Variants in DNAJC13 observed in about 807,000 individuals in gnomAD.
The protein encoded by DNAJC13 is dnaJ homolog subfamily C member 13.
A neutral mutation model predicts 290.5 loss-of-function variants in DNAJC13; 75 were observed. That is an observed-to-expected ratio of 0.26 (90% CI 0.21 to 0.31). DNAJC13 has a LOEUF of 0.31. DNAJC13 is among the 10% of genes least tolerant of loss of function. DNAJC13 has a pLI of 1.00. For missense variants in DNAJC13, 2,260 were observed against 2,674.5 expected, an observed-to-expected ratio of 0.85 and a Z score of 3.42; for synonymous variants, 862 against 892.0, an observed-to-expected ratio of 0.97 and a Z score of 0.60.
intron 48 of DNAJC13, among the ~76,000 whole-genome samples, chr3:132,521,234 TAAAAAG>T (rs1474326744): frequency 6.6e-6 from 1 of 151,036 alleles, no homozygotes; most frequent in Non-Finnish European, 1.5e-5. Context: ...CCCCATCTCT[TAAAAAG>T]AAAAACAAAA....
At chr3:132,477,339 G>A (rs978556997) in intron 22 of DNAJC13, among the ~76,000 whole-genome samples, 42 of 152,268 alleles carry the variant, frequency 2.8e-4, no homozygotes, top group African/African-American at 8.9e-4. Flanking sequence ...GTAGTAACAT[G>A]GGGTGATTTG....
At chr3:132,484,826 T>A (rs1319919993) in intron 29 of DNAJC13, among the ~76,000 whole-genome samples, 154 bp downstream of exon 29, 1 of 152,076 alleles carries the variant, frequency 6.6e-6, no homozygotes, top group African/African-American at 2.4e-5. Flanking sequence ...CCCAGCACTT[T>A]GGGAGGCTGA....
Position 132,499,769 on chromosome 3 carries a change from C to A in DNAJC13, c.4377C>A (p.Val1459=), listed in dbSNP as rs148360551. Residue 1459 remains valine (V), a synonymous_variant, in exon 38 of 56, where the codon GTC becomes GTA. Transcript: ENST00000260818. ...AGGCATTTAGTCGCTGTGTGGCTGT[C>A]TTGACTCGTGCTAGTAAACCAAGTG... The part of the protein sequence containing the change: ...LQEAFSRCVA[V]LTRASKPSDM... The A allele has an allele frequency of 2.7e-5, 43 of 1,614,128 alleles. No individual in the cohort carries two copies. The highest frequency in any genetic ancestry group is 3.3e-5 in the Non-Finnish European group (39 of 1,180,010).
intron 32 of DNAJC13, 40 bp from the exon 33 acceptor site, chr3:132,492,374 A>G: frequency 6.3e-7 from 1 of 1,594,522 alleles, no homozygotes. Context: ...CTTTAAAATA[A>G]TACCTCATAA....
chr3:132,472,201 G>A (rs1424480699), intron 20 of DNAJC13, among the ~76,000 whole-genome samples: 1 of 152,096 alleles, frequency 6.6e-6, no homozygotes, highest in Non-Finnish European at 1.5e-5. Flanking sequence ...GTCCAGCTTC[G>A]GCTCCGCATG....
intron 51 of DNAJC13, chr3:132,523,947 T>G (rs1936173588): frequency 2.5e-6 from 1 of 404,212 alleles, no homozygotes; most frequent in Non-Finnish European, 4.4e-6. Context: ...ATTGAGAGGA[T>G]GCTATTTCTA....
At position 132,447,406 on chromosome 3, in the gene DNAJC13, GA is replaced by G; in HGVS notation, c.236del (p.Lys79SerfsTer5). ...AACCTCACATTTCGTAAAGGCAGTG[GA>G]AAAAAGTCAGAAACTTTAAAATTTT... ...EFNLTFRKGSGKKSETLKFST... is the reference protein window; with the variant it reads ...EFNLTFRKGSXKKSETLKFST... On this transcript the variant is annotated frameshift_variant, in exon 4 of 56. Coordinates refer to ENST00000260818, the MANE Select transcript of DNAJC13 (RefSeq NM_015268.4). LOFTEE classifies it high-confidence loss of function. 6.2e-7 allele frequency: 1 copy of G among 1,608,776 alleles called. No homozygotes were observed. Among genetic ancestry groups the G allele is most frequent in the South Asian group, 1.1e-5 (1 of 90,572 alleles).
intron 13 of DNAJC13, chr3:132,458,173 A>T (rs548087689): frequency 9.8e-5 from 15 of 152,304 alleles, no homozygotes; most frequent in African/African-American, 3.6e-4. Context: ...CGCAGTAAAG[A>T]TCTAACTTAG....
chr3:132,535,875 C>T (rs1054903888), intron 55 of DNAJC13, among the ~76,000 whole-genome samples: 1 of 152,136 alleles, frequency 6.6e-6, no homozygotes, highest in Non-Finnish European at 1.5e-5. Flanking sequence ...AAACCAGACA[C>T]ATCCTCAAGG....
intron 27 of DNAJC13, 111 bp from the exon 28 acceptor site, chr3:132,483,264 T>C: frequency 1.0e-6 from 1 of 1,004,888 alleles, no homozygotes; most frequent in East Asian, 2.6e-5. Flanking sequence ...TGAAATAGTG[T>C]ACTTACATGT....
intron 43 of DNAJC13, among the ~76,000 whole-genome samples, chr3:132,507,732 A>C (rs1317125471): frequency 6.6e-6 from 1 of 152,096 alleles, no homozygotes; most frequent in Non-Finnish European, 1.5e-5. Flanking sequence ...TGATTGTTCC[A>C]CCAACCAGTC....
At chr3:132,434,312 G>A (rs1422786377) in intron 1 of DNAJC13, among the ~76,000 whole-genome samples, 8 of 151,838 alleles carry the variant, frequency 5.3e-5, no homozygotes, top group Non-Finnish European at 1.2e-4. Flanking sequence ...CCTGAACCCA[G>A]GAGGCGGAGC....
intron 22 of DNAJC13, among the ~76,000 whole-genome samples, chr3:132,475,514 A>G (rs754461729): frequency 3.9e-5 from 6 of 152,148 alleles, no homozygotes; most frequent in Non-Finnish European, 8.8e-5. Flanking sequence ...GAAGAGCAGG[A>G]GAAACAAGAA....
chr3:132,514,958 T>TC, intron 46 of DNAJC13: 1 of 289,688 alleles, frequency 3.5e-6, no homozygotes, highest in Non-Finnish European at 6.5e-6. Flanking sequence ...TTAACTAATA[T>TC]TTCATGGTTT....
intron 45 of DNAJC13, among the ~76,000 whole-genome samples, chr3:132,513,485 A>C (rs1436752848): frequency 1.3e-5 from 2 of 152,154 alleles, no homozygotes; most frequent in Non-Finnish European, 2.9e-5. Context: ...TGTTGGCTAC[A>C]TACTGTGGGT....
In DNAJC13 at chr3:132,503,368, C is replaced by G. The variant is rs1448681062; in HGVS notation, c.4871C>G (p.Ala1624Gly). Residue 1624 changes from alanine to glycine, a missense_variant, in exon 41 of 56, where the codon GCT becomes GGT. This residue lies in a region of DNAJC13 where 1,494 missense variants were observed against 1,693.7 expected (regional missense o/e 0.88). Coordinates refer to ENST00000260818, the MANE Select transcript of DNAJC13 (RefSeq NM_015268.4). ...TATGTTGCTAGAAAACTTGCTGTGG[C>G]TAGTGTGACTGAGGTATGTGCTTCA... ...TPYVARKLAV[A>G]SVTEILKMLN... 1 of 1,613,946 alleles carries G rather than the reference C, an allele frequency of 6.2e-7. No individual in the cohort carries two copies. The highest frequency in any genetic ancestry group is 8.5e-7 in the Non-Finnish European group (1 of 1,179,906).
intron 49 of DNAJC13, 32 bp from the exon 50 acceptor site, chr3:132,523,125 A>C (rs1304330572): frequency 5.0e-6 from 8 of 1,613,722 alleles, no homozygotes; most frequent in Non-Finnish European, 6.8e-6. Flanking sequence ...TTTGTGACTG[A>C]AGTTTGGTAT....
At chr3:132,535,366 A>G (rs1366157617) in intron 55 of DNAJC13, among the ~76,000 whole-genome samples, 1 of 152,146 alleles carries the variant, frequency 6.6e-6, no homozygotes, top group Non-Finnish European at 1.5e-5. Flanking sequence ...AGCCTGGCAT[A>G]TTTTGTTTTA....
In DNAJC13 at chr3:132,433,800, A is replaced by T. The variant is rs145611744; in HGVS notation, c.-13-738A>T. Among the ~76,000 whole-genome samples, 399 of 152,362 alleles carry T rather than the reference A, an allele frequency of 2.6e-3. 2 individuals are homozygous for T. Among genetic ancestry groups the T allele is most frequent in the African/African-American group, 8.7e-3 (360 of 41,590 alleles). ...AAAATTCTGTACACTGGGGATGTTG[A>T]TAGAGGTCATTTCTGGTCCTCAAGA... On this transcript the variant is annotated intron_variant, in intron 1 of 55. Coordinates refer to ENST00000260818, the MANE Select transcript of DNAJC13 (RefSeq NM_015268.4).
Sources: allele counts gnomAD v4.1 joint callset (sites outside exome capture counted in the v4.1 genomes callset), GRCh38; gene constraint gnomAD v4.1.1; regional missense constraint gnomAD v4.1.1; transcripts MANE v1.5; gene names NCBI Gene and HGNC (gene_info 2026-07-23, HGNC 2026-07-21).